MMS22L: variants seen among roughly 807,000 people sequenced by gnomAD.
MMS22L encodes protein MMS22-like.
MMS22L carries 74 observed loss-of-function variants against 159.1 expected under a neutral mutation model. That is an observed-to-expected ratio of 0.47 (90% CI 0.39 to 0.56). The LOEUF (loss-of-function observed/expected upper bound fraction) is 0.56. Ranked by LOEUF, MMS22L falls within the 20% of genes least tolerant of loss-of-function variation. The pLI is 0.00. For synonymous variants in MMS22L, 517 were observed against 506.9 expected (o/e 1.02, Z -0.27); for missense variants, 1,351 against 1,422.1 (o/e 0.95, Z 0.80).
intron 14 of MMS22L, among the ~76,000 whole-genome samples, chr6:97,211,218 T>G (rs1490596046): frequency 6.6e-6 from 1 of 152,078 alleles, no homozygotes; most frequent in Non-Finnish European, 1.5e-5. Context: ...ATTATGACAT[T>G]TATATATAAA....
chr6:97,163,283 A>C (rs143208165), intron 21 of MMS22L, among the ~76,000 whole-genome samples: 77 of 152,154 alleles, frequency 5.1e-4, no homozygotes, highest in African/African-American at 1.7e-3. Flanking sequence ...AAAGAAAAAG[A>C]CAATTATAAT....
chr6:97,164,028 T>C (rs955465700), intron 21 of MMS22L, among the ~76,000 whole-genome samples: 11 of 151,488 alleles, frequency 7.3e-5, no homozygotes, highest in Admixed American at 4.0e-4. Flanking sequence ...AATGAAAGAG[T>C]ATTTTAGGAA....
intron 14 of MMS22L, among the ~76,000 whole-genome samples, chr6:97,213,375 C>T (rs1452051614): frequency 6.6e-6 from 1 of 152,054 alleles, no homozygotes; most frequent in African/African-American, 2.4e-5. Context: ...CATTGTACTC[C>T]AGCCTGGGCA....
chr6:97,213,204 C>G (rs552084738), intron 14 of MMS22L, among the ~76,000 whole-genome samples: 4 of 152,134 alleles, frequency 2.6e-5, no homozygotes, highest in African/African-American at 7.2e-5. Flanking sequence ...GTCGGGAGTT[C>G]AAGACCAGCC....
chr6:97,204,973 TCA>T (rs1807618457), intron 14 of MMS22L, among the ~76,000 whole-genome samples: 1 of 118,414 alleles, frequency 8.4e-6, no homozygotes, highest in South Asian at 3.3e-4. Context: ...AGATGGAGTC[TCA>T]CTCTGCTGCC....
chr6:97,222,211 AAC>A (rs1299181097), intron 14 of MMS22L, among the ~76,000 whole-genome samples: 2 of 152,044 alleles, frequency 1.3e-5, no homozygotes, highest in Non-Finnish European at 2.9e-5. Flanking sequence ...GAGAATAATA[AAC>A]AGTTTTTCTC....
chr6:97,154,458 G>C (rs1801630522), intron 22 of MMS22L, among the ~76,000 whole-genome samples: 1 of 152,012 alleles, frequency 6.6e-6, no homozygotes, highest in Non-Finnish European at 1.5e-5. Context: ...CCTAATTCTT[G>C]ATGAAGTCCA....
chr6:97,152,788 T>C (rs1367322941), intron 22 of MMS22L, among the ~76,000 whole-genome samples: 1 of 151,324 alleles, frequency 6.6e-6, no homozygotes. Flanking sequence ...ATGCAGTTTC[T>C]TTTTTCTTTA....
rs1166770074 is a variant in MMS22L, at chr6:97,143,091, A to C, written c.*3715T>G. ...AAACGTTCTAATTAAATTGAAATTTAAATCATAACCAAATCCAAATGCCTA... is the reference window on the plus strand; with the variant it reads ...AAACGTTCTAATTAAATTGAAATTTCAATCATAACCAAATCCAAATGCCTA... On this transcript the variant is annotated 3_prime_UTR_variant, in exon 25 of 25. Coordinates refer to ENST00000683635, the MANE Select transcript of MMS22L (RefSeq NM_001350599.2). 6.6e-6 allele frequency: 1 copy of C among 152,618 alleles called. No homozygotes were observed. The highest frequency in any genetic ancestry group is 2.4e-5 in the African/African-American group (1 of 41,454). 9.5% of individuals were successfully genotyped at this position (152,618 alleles called of 1,614,324 possible).
intron 14 of MMS22L, among the ~76,000 whole-genome samples, chr6:97,226,824 A>G (rs553681637): frequency 3.9e-4 from 60 of 152,284 alleles, no homozygotes; most frequent in Admixed American, 3.9e-3. Context: ...GATGGGCGAC[A>G]TAATTCTTTG....
chr6:97,270,433 G>A, intron 6 of MMS22L: 1 of 318,704 alleles, frequency 3.1e-6, no homozygotes, highest in Non-Finnish European at 6.1e-6. Flanking sequence ...AGACATTATT[G>A]TCATCTCATT....
chr6:97,165,251 G>A lies in MMS22L; in HGVS notation c.3216C>T (p.Val1072=), dbSNP rs1802842512. 6.2e-7 allele frequency: 1 copy of A among 1,610,818 alleles called. No homozygotes were observed. Among genetic ancestry groups the A allele is most frequent in the Non-Finnish European group, 8.5e-7 (1 of 1,177,598 alleles). The change falls in exon 21 of 25, where the codon GTC becomes GTT. Residue 1072 remains valine (V), a synonymous_variant. Coordinates refer to ENST00000683635, the MANE Select transcript of MMS22L (RefSeq NM_001350599.2). Reference sequence around the variant, plus strand: ...TATTTAATATTTAGATGTACCTTATGACTTGCACAATGCATTTCTTTAGAG... The same window carrying A: ...TATTTAATATTTAGATGTACCTTATAACTTGCACAATGCATTTCTTTAGAG... ...ISSLKKCIVQ[V]IRKSYLEYKG... is the part of the protein sequence containing the mutation.
intron 14 of MMS22L, among the ~76,000 whole-genome samples, chr6:97,201,860 T>C (rs1335803995): frequency 6.6e-6 from 1 of 152,186 alleles, no homozygotes; most frequent in Non-Finnish European, 1.5e-5. Context: ...TGGATAAATA[T>C]TACATTTTCA....
At chr6:97,219,041 A>G in intron 14 of MMS22L, among the ~76,000 whole-genome samples, 1 of 152,156 alleles carries the variant, frequency 6.6e-6, no homozygotes, top group Non-Finnish European at 1.5e-5. Flanking sequence ...TCAATACTAC[A>G]AGAACAGCAT....
chr6:97,205,418 T>C (rs1807678333), intron 14 of MMS22L, among the ~76,000 whole-genome samples: 2 of 152,170 alleles, frequency 1.3e-5, no homozygotes, highest in Admixed American at 6.5e-5. Context: ...TAATGGGCTA[T>C]GGACAAGATC....
At chr6:97,207,960 C>T (rs565674874) in intron 14 of MMS22L, among the ~76,000 whole-genome samples, 1 of 152,132 alleles carries the variant, frequency 6.6e-6, no homozygotes, top group East Asian at 1.9e-4. Flanking sequence ...AAATCTTGGA[C>T]CACAGGAACA....
chr6:97,195,992 A>G (rs1427915736), intron 14 of MMS22L, among the ~76,000 whole-genome samples: 1 of 152,220 alleles, frequency 6.6e-6, no homozygotes, highest in Admixed American at 6.5e-5. Context: ...TAATTATAAC[A>G]GGAGGATATA....
At chr6:97,162,721 A>G (rs981151208) in intron 21 of MMS22L, among the ~76,000 whole-genome samples, 11 of 152,018 alleles carry the variant, frequency 7.2e-5, no homozygotes, top group African/African-American at 1.2e-4. Context: ...ATTTAGCATT[A>G]TCTCTCAAGA....
At chr6:97,204,892 T>A (rs1807594839) in intron 14 of MMS22L, among the ~76,000 whole-genome samples, 1 of 148,388 alleles carries the variant, frequency 6.7e-6, no homozygotes, top group Non-Finnish European at 1.5e-5. Context: ...GCTGGCAATT[T>A]TTTTTTTTTT....
Sources: allele counts gnomAD v4.1 joint callset (sites outside exome capture counted in the v4.1 genomes callset), GRCh38; gene constraint gnomAD v4.1.1; transcripts MANE v1.5; gene names NCBI Gene and HGNC (gene_info 2026-07-23, HGNC 2026-07-21).